PPP2R5A: variants seen among roughly 807,000 people sequenced by gnomAD.
PPP2R5A encodes serine/threonine-protein phosphatase 2A 56 kDa regulatory subunit alpha isoform.
PPP2R5A carries 25 observed loss-of-function variants against 64.2 expected under a neutral mutation model. The ratio of observed to expected loss-of-function variants is 0.39; its 90% CI spans 0.28 to 0.54. The LOEUF is 0.54. Among genes scored for constraint, PPP2R5A ranks in the 20% least tolerant of loss-of-function variants. The probability of loss-of-function intolerance (pLI) is 0.67; values close to 1 mark genes in which losing one functional copy is unlikely to be tolerated. For synonymous variants in PPP2R5A, 198 were observed against 201.2 expected, an observed-to-expected ratio of 0.98 and a Z score of 0.13; for missense variants, 425 against 576.3, an observed-to-expected ratio of 0.74 and a Z score of 2.69.
intron 1 of PPP2R5A, chr1:212,302,156 G>A (rs1346275555): frequency 7.2e-7 from 1 of 1,392,876 alleles, no homozygotes; most frequent in Non-Finnish European, 9.8e-7. Context: ...GAAATGAATA[G>A]AGACTAGATT....
intron 1 of PPP2R5A, among the ~76,000 whole-genome samples, chr1:212,307,778 A>G (rs1331791980): frequency 1.3e-5 from 2 of 152,166 alleles, no homozygotes; most frequent in Non-Finnish European, 2.9e-5. Context: ...TATAAGGTAG[A>G]ACAGCTAGCA....
At chr1:212,340,569 A>G (rs550344100) in intron 3 of PPP2R5A, among the ~76,000 whole-genome samples, 2 of 152,364 alleles carry the variant, frequency 1.3e-5, no homozygotes, top group Non-Finnish European at 2.9e-5. Flanking sequence ...ACCCCAAAGC[A>G]AAATTATCTT....
chr1:212,291,543 C>T (rs1385627963), intron 1 of PPP2R5A, among the ~76,000 whole-genome samples: 2 of 152,106 alleles, frequency 1.3e-5, no homozygotes, highest in African/African-American at 2.4e-5. Context: ...TGAGAATCAC[C>T]GGGTTAGCAT....
At chr1:212,301,510 T>TA (rs1395410237) in intron 1 of PPP2R5A, among the ~76,000 whole-genome samples, 2 of 152,224 alleles carry the variant, frequency 1.3e-5, no homozygotes, top group Non-Finnish European at 2.9e-5. Context: ...TTTCCTGAAA[T>TA]ACGATGTCTA....
chr1:212,357,695 C>T lies in PPP2R5A; in HGVS notation c.1226+411C>T, dbSNP rs537442974. Among the ~76,000 whole-genome samples the T allele has an allele frequency of 4.0e-5, 6 of 150,740 alleles. No individual in the cohort carries two copies. The East Asian group carries it at 1.2e-3, about 30-fold the overall frequency. On this transcript the variant is annotated intron_variant, in intron 11 of 12. Transcript: ENST00000261461. ...GCGGGCGCCTGTGGTCCCATCTACT[C>T]GGGAGGCTGAGGCAGGAGAATGGCA...
At chr1:212,297,405 TGCCCA>T (rs1658717728) in intron 1 of PPP2R5A, 1 of 152,134 alleles carries the variant, frequency 6.6e-6, no homozygotes, top group Non-Finnish European at 1.5e-5. Context: ...TGAGCCACCA[TGCCCA>T]GCCAATACGT....
At chr1:212,309,133 C>A (rs1333055756) in intron 1 of PPP2R5A, 2 of 1,073,572 alleles carry the variant, frequency 1.9e-6, no homozygotes, top group Non-Finnish European at 2.9e-6. Flanking sequence ...TCCATCAGGC[C>A]GAATCAGGGT....
At chr1:212,294,579 TTTTCC>T (rs796882610) in intron 1 of PPP2R5A, among the ~76,000 whole-genome samples, 3 of 152,356 alleles carry the variant, frequency 2.0e-5, no homozygotes, top group African/African-American at 7.2e-5. Context: ...TACAGAAATC[TTTTCC>T]TTTCTTTGGT....
At chr1:212,300,980 G>C (rs926020295) in intron 1 of PPP2R5A, among the ~76,000 whole-genome samples, 1 of 152,122 alleles carries the variant, frequency 6.6e-6, no homozygotes, top group Non-Finnish European at 1.5e-5. Flanking sequence ...TGGGATGTCT[G>C]TAGAGCTTAG....
intron 1 of PPP2R5A, among the ~76,000 whole-genome samples, chr1:212,293,934 A>T (rs1220216933): frequency 6.6e-6 from 1 of 152,266 alleles, no homozygotes; most frequent in East Asian, 1.9e-4. Flanking sequence ...CCATTTCATC[A>T]GAGAAGTTTT....
chr1:212,332,320 A>G (rs17665257), intron 2 of PPP2R5A, among the ~76,000 whole-genome samples: 5,349 of 152,192 alleles, frequency 0.035, 141 homozygotes, highest in Non-Finnish European at 0.054. Context: ...CTTGTCCTCT[A>G]CCTCTGGAAT....
intron 1 of PPP2R5A, chr1:212,297,916 TAAAC>T (rs1658729381): frequency 2.3e-5 from 1 of 43,180 alleles, no homozygotes; most frequent in African/African-American, 2.7e-4. Context: ...GGTCAGCAGA[TAAAC>T]AAGTGAACAA....
Position 212,357,066 on chromosome 1 carries a change from T to C in PPP2R5A, c.1095T>C (p.Phe365=). The part of the protein sequence containing the change: ...QISKCVSSSH[F]QVAERALYFW... ...CCAAGTGTGTATCCAGTTCTCATTT[T>C]CAGGTATGATGTTTTCAGTGAAGCC... Residue 365 remains phenylalanine (F), a synonymous_variant, in exon 10 of 13, where the codon TTT becomes TTC. Coordinates refer to ENST00000261461, the MANE Select transcript of PPP2R5A (RefSeq NM_006243.4). The C allele has an allele frequency of 6.2e-7, 1 of 1,603,822 alleles. No individual in the cohort carries two copies. The highest frequency in any genetic ancestry group is 2.2e-5 in the East Asian group (1 of 44,730).
chr1:212,326,038 A>C (rs1433310533), intron 1 of PPP2R5A, among the ~76,000 whole-genome samples: 1 of 152,234 alleles, frequency 6.6e-6, no homozygotes, highest in Non-Finnish European at 1.5e-5. Flanking sequence ...AACTGATTTT[A>C]CAGAGAAGAA....
intron 1 of PPP2R5A, among the ~76,000 whole-genome samples, chr1:212,303,718 G>C (rs1189282519): frequency 6.6e-6 from 1 of 151,726 alleles, no homozygotes; most frequent in Non-Finnish European, 1.5e-5. Context: ...TTTTATATAG[G>C]GTATGACTTA....
chr1:212,299,634 TC>T (rs1177105794), intron 1 of PPP2R5A: 4 of 152,170 alleles, frequency 2.6e-5, no homozygotes, highest in Non-Finnish European at 5.9e-5. Flanking sequence ...CACTAAAACT[TC>T]CAGACAAGCT....
chr1:212,324,570 G>A (rs549550389), intron 1 of PPP2R5A, among the ~76,000 whole-genome samples: 1 of 151,572 alleles, frequency 6.6e-6, no homozygotes, highest in African/African-American at 2.4e-5. Flanking sequence ...TACCATCAAG[G>A]TAGATTGTTG....
intron 6 of PPP2R5A, among the ~76,000 whole-genome samples, chr1:212,347,745 C>T (rs1484080183): frequency 1.1e-4 from 16 of 151,986 alleles, no homozygotes; most frequent in Admixed American, 7.2e-4. Context: ...GGGGTTTCAC[C>T]GTGTTGGCCA....
Position 212,286,244 on chromosome 1 carries a change from G to T in PPP2R5A, c.134G>T (p.Arg45Leu), listed in dbSNP as rs1479424247. The change falls in exon 1 of 13, where the codon CGC becomes CTC. Residue 45 changes from arginine to leucine, a missense_variant. By Grantham distance (102) the Arg-to-Leu change is moderately radical. Coordinates refer to ENST00000261461, the MANE Select transcript of PPP2R5A (RefSeq NM_006243.4). ...QKRSQGSSQF[R>L]SQGSQAELHP... ...CGCTCCCAGGGCTCGTCGCAGTTTC[G>T]CAGCCAGGGCAGCCAGGCAGAGCTG... is the stretch of plus-strand genomic sequence containing the variant. 4 of 1,546,460 alleles carry T rather than the reference G, an allele frequency of 2.6e-6. No individual in the cohort carries two copies. The highest frequency in any genetic ancestry group is 3.5e-6 in the Non-Finnish European group (4 of 1,148,372).
Sources: allele counts gnomAD v4.1 joint callset (sites outside exome capture counted in the v4.1 genomes callset), GRCh38; gene constraint gnomAD v4.1.1; transcripts MANE v1.5; gene names NCBI Gene and HGNC (gene_info 2026-07-23, HGNC 2026-07-21).